DAW1: variants seen among roughly 807,000 people sequenced by gnomAD.
The protein encoded by DAW1 is dynein assembly factor with WD repeats 1.
Under a neutral mutation model 56.5 loss-of-function variants are expected in DAW1, and 47 were observed. The observed-to-expected ratio is 0.83, with a 90% CI of 0.66 to 1.06. The LOEUF is 1.06. DAW1 is among the 50% of genes least tolerant of loss of function. The pLI, the probability that DAW1 is intolerant of heterozygous loss-of-function variation, is 0.00. For missense variants in DAW1, 505 were observed against 499.3 expected, an observed-to-expected ratio of 1.01 and a Z score of -0.11; for synonymous variants, 190 against 179.0, an observed-to-expected ratio of 1.06 and a Z score of -0.49.
At position 227,898,083 on chromosome 2, in the gene DAW1, GAAGTA is replaced by G. The variant is rs1407303445; in HGVS notation, c.441-96_441-92del. On this transcript the variant is annotated intron_variant, in intron 5 of 12. Transcript: ENST00000309931. ...TAAGATTGCTTATAGCTTTAGAAGT[GAAGTA>G]AATTTTTTACTCATGTATTAATATC... 4.9e-6 allele frequency: 3 copies of G among 610,756 alleles called. No individual in the cohort carries two copies. The East Asian group carries it at 1.2e-4, about 25-fold the overall frequency. The allele number at this position is 610,756 out of a possible 1,614,324, so 37.8% of individuals were successfully genotyped here.
intron 10 of DAW1, among the ~76,000 whole-genome samples, chr2:227,917,130 A>G (rs1715851): frequency 0.5 from 71,811 of 143,436 alleles, 17,636 homozygotes; most frequent in Middle Eastern, 0.65. Flanking sequence ...CTATCTATCT[A>G]TCTATCTATC....
chr2:227,914,309 G>A (rs975281704), intron 10 of DAW1, among the ~76,000 whole-genome samples: 3 of 151,898 alleles, frequency 2.0e-5, no homozygotes, highest in Non-Finnish European at 4.4e-5. Context: ...CTTGATAACC[G>A]TGGCTGGTGC....
At chr2:227,913,928 T>TATCTA (rs201424453) in intron 10 of DAW1, among the ~76,000 whole-genome samples, 9 of 147,558 alleles carry the variant, frequency 6.1e-5, no homozygotes, top group Non-Finnish European at 9.0e-5. Flanking sequence ...TCTATCTATC[T>TATCTA]TCATCATCAT....
At chr2:227,873,069 G>A (rs907991574) in intron 1 of DAW1, among the ~76,000 whole-genome samples, 1 of 152,122 alleles carries the variant, frequency 6.6e-6, no homozygotes, top group African/African-American at 2.4e-5. Flanking sequence ...CTATACTTCT[G>A]ACTTCTTTAG....
chr2:227,887,694 T>C (rs1393375930), intron 2 of DAW1: 1 of 152,232 alleles, frequency 6.6e-6, no homozygotes, highest in Non-Finnish European at 1.5e-5. Context: ...AAAGTCTTCA[T>C]ATTAACTATA....
chr2:227,922,538 C>T (rs1692136142), intron 12 of DAW1, among the ~76,000 whole-genome samples: 1 of 152,082 alleles, frequency 6.6e-6, no homozygotes, highest in Non-Finnish European at 1.5e-5. Flanking sequence ...GCCTAAGTAC[C>T]AGTGATTCTC....
chr2:227,902,299 G>A (rs143239515), intron 6 of DAW1, among the ~76,000 whole-genome samples: 1 of 152,260 alleles, frequency 6.6e-6, no homozygotes, highest in East Asian at 1.9e-4. Context: ...TACGGAAGGT[G>A]CATCAGATAG....
chr2:227,889,857 A>C lies in DAW1; in HGVS notation c.115A>C (p.Thr39Pro). The change falls in exon 3 of 13, where the codon ACT (threonine) becomes CCT (proline). Residue 39 changes from threonine to proline, a missense_variant and splice_region_variant. Coordinates refer to ENST00000309931, the MANE Select transcript of DAW1 (RefSeq NM_178821.3). ...AACTCTTTTTTGGGTGTATTTCAGC[A>C]CTGATGTCAGTGCGTTAGTAGAAGA... Reference protein sequence around the residue: ...SIDLLDLGPSTDVSALVEEIQ... With the variant: ...SIDLLDLGPSPDVSALVEEIQ... 6.3e-7 allele frequency: 1 copy of C among 1,589,656 alleles called. No individual in the cohort carries two copies. Among genetic ancestry groups the C allele is most frequent in the Non-Finnish European group, 8.5e-7 (1 of 1,172,504 alleles).
chr2:227,911,271 T>A (rs1480355600), intron 10 of DAW1, among the ~76,000 whole-genome samples: 2 of 146,750 alleles, frequency 1.4e-5, no homozygotes, highest in African/African-American at 5.0e-5. Context: ...TATATACACA[T>A]ATACACGTGT....
chr2:227,874,906 T>C (rs1464816411), intron 1 of DAW1, among the ~76,000 whole-genome samples: 1 of 152,032 alleles, frequency 6.6e-6, no homozygotes, highest in Non-Finnish European at 1.5e-5. Flanking sequence ...GAGGTTGCAG[T>C]GAGCCAAGAT....
intron 6 of DAW1, among the ~76,000 whole-genome samples, chr2:227,899,728 A>G (rs1465221341): frequency 3.3e-5 from 5 of 152,220 alleles, no homozygotes; most frequent in African/African-American, 4.8e-5. Context: ...CACAGTGGCG[A>G]CAGCTTTTGT....
At chr2:227,893,675 C>T (rs926789309) in intron 4 of DAW1, 120 bp from the exon 5 acceptor site, 3 of 1,354,778 alleles carry the variant, frequency 2.2e-6, no homozygotes, top group Non-Finnish European at 2.9e-6. Context: ...CCCTCTTAAA[C>T]AAACAAACAA....
At chr2:227,899,417 G>T (rs1691486607) in intron 6 of DAW1, among the ~76,000 whole-genome samples, 1 of 152,154 alleles carries the variant, frequency 6.6e-6, no homozygotes, top group Non-Finnish European at 1.5e-5. Context: ...CTTTACCAAT[G>T]CAGTAGTAGT....
rs1455294686 is a variant in DAW1, at chr2:227,892,937, G to A, written c.318-858G>A. On this transcript the variant is annotated intron_variant, in intron 4 of 12. Coordinates refer to ENST00000309931, the MANE Select transcript of DAW1 (RefSeq NM_178821.3). ...TACACTCTATTCACTATTCCTGTAG[G>A]AGAATAGCTATGTTAAAGGAACCAT... Among the ~76,000 whole-genome samples, 4 of 152,148 alleles carry A rather than the reference G, an allele frequency of 2.6e-5. No homozygotes were observed. The South Asian group carries it at 6.2e-4, about 24-fold the overall frequency.
chr2:227,891,064 T>C (rs947157707), intron 3 of DAW1, among the ~76,000 whole-genome samples, 191 bp from the exon 4 acceptor site: 2 of 152,184 alleles, frequency 1.3e-5, no homozygotes, highest in African/African-American at 4.8e-5. Flanking sequence ...CCACATGCCA[T>C]ATGTAAAAGA....
chr2:227,891,242 T>G lies in DAW1; in HGVS notation c.259-13T>G. 1 of 1,609,428 alleles carries G rather than the reference T, an allele frequency of 6.2e-7. No homozygotes were observed. Among genetic ancestry groups the G allele is most frequent in the Non-Finnish European group, 8.5e-7 (1 of 1,178,378 alleles). On this transcript the variant is annotated splice_polypyrimidine_tract_variant and intron_variant, in intron 3 of 12. Coordinates refer to ENST00000309931, the MANE Select transcript of DAW1 (RefSeq NM_178821.3). ...GGTTTGAGTCTAAAAAATGGTGTTT[T>G]CTTTCACTGAAGGTTCTCAAAGCAC...
chr2:227,922,746 C>A (rs1050331786), intron 12 of DAW1, among the ~76,000 whole-genome samples: 2 of 152,150 alleles, frequency 1.3e-5, no homozygotes, highest in Non-Finnish European at 2.9e-5. Flanking sequence ...ACAGGGCTTA[C>A]GATCTTCAAA....
At chr2:227,902,922 G>C in intron 6 of DAW1, 80 bp from the exon 7 acceptor site, 1 of 1,385,572 alleles carries the variant, frequency 7.2e-7, no homozygotes, top group Non-Finnish European at 1.0e-6. Flanking sequence ...TAAGGTAATT[G>C]CATCTGGAAG....
rs750661107 is a variant in DAW1 at position 227,921,614 on chromosome 2, G to A, written c.1213+53G>A. The A allele has an allele frequency of 1.0e-5, 16 of 1,559,996 alleles. No individual in the cohort carries two copies. The South Asian group carries it at 1.8e-4, about 18-fold the overall frequency. On this transcript the variant is annotated intron_variant, in intron 12 of 12. Coordinates refer to ENST00000309931, the MANE Select transcript of DAW1 (RefSeq NM_178821.3). Reference sequence around the variant, plus strand: ...CATTTTTTCTTGATTGGCTGTTAGAGTTCCCAAGCTGAATACTAACAGGAG... The same window carrying A: ...CATTTTTTCTTGATTGGCTGTTAGAATTCCCAAGCTGAATACTAACAGGAG...
Sources: gnomAD v4.1 joint callset for allele counts (sites outside exome capture counted in the v4.1 genomes callset) on GRCh38, gnomAD v4.1.1 for gene constraint, MANE v1.5 for transcripts, NCBI Gene and HGNC (gene_info 2026-07-23, HGNC 2026-07-21) for gene names.